The following NKAIN2 variants were observed in gnomAD, a reference collection of about 807,000 sequenced individuals.
The protein encoded by NKAIN2 is sodium/potassium transporting ATPase interacting 2, also known as sodium/potassium-transporting ATPase subunit beta-1-interacting protein 2.
NKAIN2 carries 14 observed loss-of-function variants against 32.6 expected under a neutral mutation model. That is an observed-to-expected ratio of 0.43 (90% CI 0.28 to 0.67). The LOEUF is 0.67. Among genes scored for constraint, NKAIN2 ranks in the 30% least tolerant of loss-of-function variants. The pLI is 0.17. For missense variants in NKAIN2, 198 were observed against 258.3 expected (o/e 0.77, Z 1.60); for synonymous variants, 80 against 87.2 (o/e 0.92, Z 0.46).
chr6:123,919,969 A>G (rs1294161201), intron 1 of NKAIN2, among the ~76,000 whole-genome samples: 2 of 152,136 alleles, frequency 1.3e-5, no homozygotes, highest in Non-Finnish European at 2.9e-5. Context: ...TTCAACTTGC[A>G]GCATTAAAGA....
In NKAIN2 at chr6:124,505,991, G is replaced by A. The variant is rs553390437; in HGVS notation, c.273+150644G>A. The stretch of plus-strand genomic sequence containing the variant: ...GACCGAGACCATCCTGGCTAACACG[G>A]TGAAACCCCGTCTCTACTAAAAATA... On this transcript the variant is annotated intron_variant, in intron 3 of 6. Coordinates refer to ENST00000368417, the MANE Select transcript of NKAIN2 (RefSeq NM_001040214.3). 2.0e-5 allele frequency among the ~76,000 whole-genome samples: 3 copies of A among 152,154 alleles called. No homozygotes were observed. The South Asian group carries it at 6.2e-4, about 32-fold the overall frequency.
chr6:123,879,922 T>A (rs1484641911), intron 1 of NKAIN2, among the ~76,000 whole-genome samples: 1 of 152,162 alleles, frequency 6.6e-6, no homozygotes, highest in Non-Finnish European at 1.5e-5. Context: ...ATTGCTCTGG[T>A]GCTGGGAGCC....
chr6:124,262,257 G>A (rs1320587989), intron 1 of NKAIN2, among the ~76,000 whole-genome samples: 1 of 152,140 alleles, frequency 6.6e-6, no homozygotes, highest in Admixed American at 6.5e-5. Flanking sequence ...ATCCAAGGAT[G>A]CATCAAATTC....
intron 3 of NKAIN2, among the ~76,000 whole-genome samples, chr6:124,649,540 A>C (rs930073296): frequency 3.9e-5 from 6 of 152,196 alleles, no homozygotes. Flanking sequence ...ACACGTAAAG[A>C]AGACATTATA....
chr6:124,054,505 T>G (rs531235624), intron 1 of NKAIN2, among the ~76,000 whole-genome samples: 2 of 152,066 alleles, frequency 1.3e-5, no homozygotes, highest in Admixed American at 1.3e-4. Context: ...TGGAATCTTC[T>G]TGGACTAATA....
chr6:124,712,954 T>C (rs1427922255), intron 4 of NKAIN2, among the ~76,000 whole-genome samples: 1 of 152,180 alleles, frequency 6.6e-6, no homozygotes, highest in African/African-American at 2.4e-5. Flanking sequence ...TCTTAAATTA[T>C]AGAGTTTTTT....
intron 3 of NKAIN2, among the ~76,000 whole-genome samples, chr6:124,603,578 G>C (rs1401306826): frequency 6.6e-6 from 1 of 151,838 alleles, no homozygotes; most frequent in Non-Finnish European, 1.5e-5. Flanking sequence ...CAAAATAGTA[G>C]AACATTTGAT....
At chr6:123,893,362 G>A (rs1774109636) in intron 1 of NKAIN2, among the ~76,000 whole-genome samples, 1 of 152,080 alleles carries the variant, frequency 6.6e-6, no homozygotes, top group Non-Finnish European at 1.5e-5. Context: ...CACTGTGCCT[G>A]GCTAATTAAA....
At chr6:123,807,472 T>A (rs1417606879) in intron 1 of NKAIN2, among the ~76,000 whole-genome samples, 1 of 152,124 alleles carries the variant, frequency 6.6e-6, no homozygotes, top group Non-Finnish European at 1.5e-5. Context: ...ACAAAAATCA[T>A]CACTGCATTT....
intron 3 of NKAIN2, among the ~76,000 whole-genome samples, chr6:124,394,412 G>T (rs572360085): frequency 6.6e-6 from 1 of 151,736 alleles, no homozygotes; most frequent in East Asian, 1.9e-4. Flanking sequence ...ATAATGCATG[G>T]CCCTTGTATT....
chr6:124,476,414 T>C (rs1302747765), intron 3 of NKAIN2, among the ~76,000 whole-genome samples: 4 of 118,222 alleles, frequency 3.4e-5, no homozygotes, highest in African/African-American at 1.5e-4. Flanking sequence ...TGTGTGTGTG[T>C]GTGTGTGTGT....
intron 2 of NKAIN2, among the ~76,000 whole-genome samples, chr6:124,328,347 T>A (rs1361626890): frequency 6.6e-6 from 1 of 152,214 alleles, no homozygotes; most frequent in Non-Finnish European, 1.5e-5. Flanking sequence ...TTTTCACATA[T>A]AATTTAGCCC....
At chr6:124,536,873 C>T (rs1779736043) in intron 3 of NKAIN2, among the ~76,000 whole-genome samples, 1 of 152,194 alleles carries the variant, frequency 6.6e-6, no homozygotes, top group Admixed American at 6.5e-5. Flanking sequence ...AGCAAATAAG[C>T]ATGACTCACA....
At chr6:124,151,850 TATTA>T (rs1473386573) in intron 1 of NKAIN2, among the ~76,000 whole-genome samples, 3 of 152,006 alleles carry the variant, frequency 2.0e-5, no homozygotes, top group African/African-American at 4.8e-5. Context: ...GTTGACTACA[TATTA>T]ATTTATAGGA....
intron 3 of NKAIN2, among the ~76,000 whole-genome samples, chr6:124,538,885 A>G (rs376324259): frequency 6.6e-6 from 1 of 152,080 alleles, no homozygotes; most frequent in African/African-American, 2.4e-5. Flanking sequence ...ATGTAATTGC[A>G]TATGTTCATA....
intron 3 of NKAIN2, among the ~76,000 whole-genome samples, chr6:124,475,822 A>G (rs1157975078): frequency 2.0e-5 from 3 of 152,168 alleles, no homozygotes; most frequent in Admixed American, 2.0e-4. Flanking sequence ...GCATTTGAAG[A>G]TTTTTGTGAG....
At chr6:124,400,543 A>C (rs879683556) in intron 3 of NKAIN2, among the ~76,000 whole-genome samples, 2 of 152,226 alleles carry the variant, frequency 1.3e-5, no homozygotes, top group African/African-American at 2.4e-5. Context: ...CCTAGGCAGC[A>C]GTACTCAATA....
intron 1 of NKAIN2, among the ~76,000 whole-genome samples, chr6:123,887,360 C>T (rs554022083): frequency 6.6e-6 from 1 of 152,082 alleles, no homozygotes; most frequent in East Asian, 1.9e-4. Flanking sequence ...CACTTTATTG[C>T]GTGACTTATT....
chr6:124,245,093 C>G (rs1171796319), intron 1 of NKAIN2, among the ~76,000 whole-genome samples: 1 of 152,096 alleles, frequency 6.6e-6, no homozygotes, highest in Non-Finnish European at 1.5e-5. Flanking sequence ...AGTTTGGGAA[C>G]ATGTCTCTAG....
Sources: gnomAD v4.1 joint callset for allele counts (sites outside exome capture counted in the v4.1 genomes callset) on GRCh38, gnomAD v4.1.1 for gene constraint, MANE v1.5 for transcripts, NCBI Gene and HGNC (gene_info 2026-07-23, HGNC 2026-07-21) for gene names.